The following ZNF804B variants were observed in gnomAD, a reference collection of about 807,000 sequenced individuals.
ZNF804B encodes zinc finger 804B.
A neutral mutation model predicts 101.4 loss-of-function variants in ZNF804B; 80 were observed. That is an observed-to-expected ratio of 0.79 (90% CI 0.66 to 0.95). ZNF804B has a LOEUF of 0.95. Among genes scored for constraint, ZNF804B ranks in the 40% least tolerant of loss-of-function variants. ZNF804B has a pLI of 0.00. For synonymous variants in ZNF804B, 622 were observed against 558.8 expected, an observed-to-expected ratio of 1.11 and a Z score of -1.59; for missense variants, 1,673 against 1,561.9, an observed-to-expected ratio of 1.07 and a Z score of -1.20.
intron 1 of ZNF804B, among the ~76,000 whole-genome samples, chr7:88,782,812 T>C (rs1287839793): frequency 6.6e-6 from 1 of 152,158 alleles, no homozygotes; most frequent in African/African-American, 2.4e-5. Flanking sequence ...CAGTATTCTG[T>C]GTAAATATCT....
chr7:88,989,319 T>C (rs898386232), intron 1 of ZNF804B, among the ~76,000 whole-genome samples: 3 of 152,134 alleles, frequency 2.0e-5, no homozygotes, highest in Non-Finnish European at 4.4e-5. Flanking sequence ...TTTCAATATG[T>C]AATTTCAAAG....
At chr7:89,288,039 A>G (rs1307614520) in intron 2 of ZNF804B, among the ~76,000 whole-genome samples, 1 of 152,124 alleles carries the variant, frequency 6.6e-6, no homozygotes, top group African/African-American at 2.4e-5. Flanking sequence ...TAGATATGCA[A>G]AGAATACAAC....
At chr7:88,777,264 G>A (rs1264625425) in intron 1 of ZNF804B, among the ~76,000 whole-genome samples, 5 of 152,138 alleles carry the variant, frequency 3.3e-5, no homozygotes, top group African/African-American at 1.2e-4. Flanking sequence ...TTCTGCCACC[G>A]CCAAAACTCA....
chr7:88,808,922 C>T (rs968826114), intron 1 of ZNF804B, among the ~76,000 whole-genome samples: 1 of 152,158 alleles, frequency 6.6e-6, no homozygotes, highest in African/African-American at 2.4e-5. Context: ...TAGTCAGCAA[C>T]TGGGTTGAAA....
intron 1 of ZNF804B, among the ~76,000 whole-genome samples, chr7:89,141,322 TTGGTCAACACAGG>T (rs1790712424): frequency 6.6e-6 from 1 of 152,090 alleles, no homozygotes. Context: ...GCTAATACCC[TTGGTCAACACAGG>T]ATTGCCACAG....
At chr7:89,117,643 T>A (rs1790331237) in intron 1 of ZNF804B, among the ~76,000 whole-genome samples, 1 of 152,196 alleles carries the variant, frequency 6.6e-6, no homozygotes, top group African/African-American at 2.4e-5. Flanking sequence ...TTTTTAGCCA[T>A]AATGTTGATG....
intron 1 of ZNF804B, among the ~76,000 whole-genome samples, chr7:89,074,946 C>G (rs538229782): frequency 6.6e-5 from 10 of 152,276 alleles, no homozygotes; most frequent in Admixed American, 3.9e-4. Flanking sequence ...AGACTGGCAG[C>G]ATTTTGCCCA....
intron 2 of ZNF804B, among the ~76,000 whole-genome samples, chr7:89,281,745 TCTATAGA>T (rs1279610134): frequency 2.6e-5 from 4 of 152,186 alleles, no homozygotes; most frequent in East Asian, 3.9e-4. Context: ...TGGATCATTG[TCTATAGA>T]CTATAAACAG....
chr7:88,917,707 T>C (rs1792657064), intron 1 of ZNF804B, among the ~76,000 whole-genome samples: 1 of 152,170 alleles, frequency 6.6e-6, no homozygotes, highest in African/African-American at 2.4e-5. Flanking sequence ...ATGTAAGAGC[T>C]AGGGACTAAA....
intron 1 of ZNF804B, among the ~76,000 whole-genome samples, chr7:88,767,028 C>G (rs1233324493): frequency 6.6e-6 from 1 of 152,006 alleles, no homozygotes; most frequent in Non-Finnish European, 1.5e-5. Flanking sequence ...CTTAAACAAT[C>G]TTCTTCCTCT....
At chr7:89,067,244 G>A (rs1789467848) in intron 1 of ZNF804B, among the ~76,000 whole-genome samples, 1 of 152,168 alleles carries the variant, frequency 6.6e-6, no homozygotes, top group African/African-American at 2.4e-5. Flanking sequence ...AGGTGGTTAG[G>A]AAGGGAAGAT....
chr7:89,140,745 T>C (rs2116392410), intron 1 of ZNF804B, among the ~76,000 whole-genome samples: 2 of 152,226 alleles, frequency 1.3e-5, no homozygotes, highest in East Asian at 3.9e-4. Context: ...TGATCTTCAA[T>C]GTAAAACTTT....
At chr7:89,332,211 C>T (rs1054221612) in intron 3 of ZNF804B, among the ~76,000 whole-genome samples, 1 of 151,458 alleles carries the variant, frequency 6.6e-6, no homozygotes, top group Non-Finnish European at 1.5e-5. Flanking sequence ...ATTTGGTGGA[C>T]AAAAGGAATG....
At position 89,023,217 on chromosome 7, in the gene ZNF804B, G is replaced by A. The variant is rs114803561; in HGVS notation, c.109-194938G>A. Among the ~76,000 whole-genome samples, 473 of 152,274 alleles carry A rather than the reference G, an allele frequency of 3.1e-3. 8 individuals carry two copies. The highest frequency in any genetic ancestry group is 0.011 in the African/African-American group (452 of 41,556). On this transcript the variant is annotated intron_variant, in intron 1 of 3. Transcript: ENST00000333190. ...TAAATGCAATTTCCAACAGTTAGCT[G>A]TATCATGTGAGTTTTCCTCTATAGT...
intron 1 of ZNF804B, among the ~76,000 whole-genome samples, chr7:89,179,367 G>A (rs907603996): frequency 2.0e-4 from 30 of 150,522 alleles, no homozygotes; most frequent in African/African-American, 6.6e-4. Context: ...TGTCTCCTCC[G>A]ACTGTCTTTA....
intron 1 of ZNF804B, among the ~76,000 whole-genome samples, chr7:88,776,568 T>TTTTG (rs1790144555): frequency 7.4e-6 from 1 of 134,416 alleles, no homozygotes; most frequent in African/African-American, 3.2e-5. Context: ...TTGTTTTTTT[T>TTTTG]TTTTTTTTTT....
chr7:88,930,056 T>C (rs1792860372), intron 1 of ZNF804B, among the ~76,000 whole-genome samples: 1 of 151,934 alleles, frequency 6.6e-6, no homozygotes, highest in Admixed American at 6.6e-5. Flanking sequence ...TAAATTTATA[T>C]ATTAAATTAT....
chr7:88,775,807 G>T (rs887472077), intron 1 of ZNF804B, among the ~76,000 whole-genome samples: 2 of 152,110 alleles, frequency 1.3e-5, no homozygotes, highest in Non-Finnish European at 2.9e-5. Context: ...TGGTGACAAA[G>T]CTTGTCTCTT....
intron 2 of ZNF804B, among the ~76,000 whole-genome samples, chr7:89,321,662 G>T (rs1266312224): frequency 6.6e-6 from 1 of 151,610 alleles, no homozygotes; most frequent in Non-Finnish European, 1.5e-5. Context: ...GATTCACCAA[G>T]TATACAGATG....
Sources: allele counts gnomAD v4.1 joint callset (sites outside exome capture counted in the v4.1 genomes callset), GRCh38; gene constraint gnomAD v4.1.1; transcripts MANE v1.5; gene names NCBI Gene and HGNC (gene_info 2026-07-23, HGNC 2026-07-21).